Variants in SPIDR observed in about 807,000 individuals in gnomAD.
SPIDR encodes DNA repair-scaffolding protein.
A neutral mutation model predicts 104.6 loss-of-function variants in SPIDR; 93 were observed. That is an observed-to-expected ratio of 0.89 (90% CI 0.75 to 1.06). The LOEUF is 1.06. SPIDR is among the 50% of genes least tolerant of loss of function. The probability of loss-of-function intolerance (pLI) is 0.00; values close to 1 mark genes in which losing one functional copy is unlikely to be tolerated. For missense variants in SPIDR, 1,154 were observed against 1,111.2 expected, an observed-to-expected ratio of 1.04 and a Z score of -0.55; for synonymous variants, 431 against 416.9, an observed-to-expected ratio of 1.03 and a Z score of -0.41.
At chr8:47,690,805 C>T (rs192026042) in intron 11 of SPIDR, among the ~76,000 whole-genome samples, 4 of 152,082 alleles carry the variant, frequency 2.6e-5, no homozygotes, top group Admixed American at 6.6e-5. Context: ...GGTGACAAGG[C>T]GAGATTCCAT....
At chr8:47,728,242 A>G (rs2084615207) in intron 17 of SPIDR, among the ~76,000 whole-genome samples, 1 of 151,732 alleles carries the variant, frequency 6.6e-6, no homozygotes, top group African/African-American at 2.4e-5. Context: ...CCTGGCCAAC[A>G]CGGTGAAACC....
intron 1 of SPIDR, among the ~76,000 whole-genome samples, chr8:47,268,355 A>G (rs2034529393): frequency 6.6e-6 from 1 of 152,148 alleles, no homozygotes; most frequent in African/African-American, 2.4e-5. Context: ...CAGCTTGTCA[A>G]TTTCTGCAGA....
intron 5 of SPIDR, among the ~76,000 whole-genome samples, chr8:47,305,757 A>G (rs1461384037): frequency 2.0e-5 from 3 of 152,212 alleles, no homozygotes; most frequent in Non-Finnish European, 4.4e-5. Context: ...ACTAATTGTT[A>G]ATGCCTAAGA....
At chr8:47,540,702 T>C (rs757838554) in intron 8 of SPIDR, among the ~76,000 whole-genome samples, 3 of 152,320 alleles carry the variant, frequency 2.0e-5, no homozygotes, top group Non-Finnish European at 4.4e-5. Context: ...TCTTCTTGTC[T>C]TTCCCCCCAT....
chr8:47,396,722 A>G, intron 6 of SPIDR, 96 bp downstream of exon 6: 1 of 1,278,516 alleles, frequency 7.8e-7, no homozygotes, highest in Non-Finnish European at 1.1e-6. Context: ...CTTGTATATG[A>G]AGTCCTAAAT....
intron 10 of SPIDR, among the ~76,000 whole-genome samples, chr8:47,670,627 C>T (rs758769789): frequency 1.8e-4 from 28 of 152,004 alleles, no homozygotes; most frequent in Non-Finnish European, 4.0e-4. Flanking sequence ...TGGTGATTAT[C>T]CTTGAAATTG....
intron 8 of SPIDR, among the ~76,000 whole-genome samples, chr8:47,487,419 C>G (rs1472891325): frequency 6.6e-6 from 1 of 152,114 alleles, no homozygotes; most frequent in Non-Finnish European, 1.5e-5. Context: ...GACTTTAACA[C>G]CCCACTGTCA....
At chr8:47,690,171 A>G (rs2078433910) in intron 11 of SPIDR, among the ~76,000 whole-genome samples, 2 of 152,124 alleles carry the variant, frequency 1.3e-5, no homozygotes, top group African/African-American at 4.8e-5. Context: ...GGCTTTTGGA[A>G]TAATAAGTAC....
At chr8:47,474,066 C>T (rs782092735) in intron 8 of SPIDR, among the ~76,000 whole-genome samples, 22 of 152,238 alleles carry the variant, frequency 1.4e-4, no homozygotes, top group South Asian at 8.3e-4. Context: ...GTTGTTCTCA[C>T]GTAGGCGAGT....
At chr8:47,302,786 G>C (rs1490158645) in intron 5 of SPIDR, among the ~76,000 whole-genome samples, 3 of 152,160 alleles carry the variant, frequency 2.0e-5, no homozygotes, top group Non-Finnish European at 4.4e-5. Context: ...AAATGTTGCT[G>C]CCTGATCATT....
At chr8:47,300,349 T>A (rs2041828425) in intron 5 of SPIDR, among the ~76,000 whole-genome samples, 1 of 152,230 alleles carries the variant, frequency 6.6e-6, no homozygotes. Context: ...TCTTTTCTTC[T>A]TTATTAGTCT....
At chr8:47,485,220 G>T (rs1586505586) in intron 8 of SPIDR, among the ~76,000 whole-genome samples, 1 of 152,214 alleles carries the variant, frequency 6.6e-6, no homozygotes, top group East Asian at 1.9e-4. Flanking sequence ...AGGCTCGGAG[G>T]GTCCCACGCG....
chr8:47,352,280 A>AG (rs1330669427), intron 5 of SPIDR, among the ~76,000 whole-genome samples: 1 of 148,406 alleles, frequency 6.7e-6, no homozygotes, highest in Non-Finnish European at 1.5e-5. Context: ...CATCTCAACA[A>AG]AAAAAAAAAA....
intron 8 of SPIDR, chr8:47,547,213 C>A: frequency 1.5e-6 from 1 of 656,832 alleles, no homozygotes; most frequent in East Asian, 3.7e-5. Flanking sequence ...GAAGATTTTT[C>A]TCACTTTGCA....
intron 8 of SPIDR, among the ~76,000 whole-genome samples, chr8:47,590,327 A>G (rs983021017): frequency 2.0e-5 from 3 of 152,104 alleles, no homozygotes; most frequent in Non-Finnish European, 4.4e-5. Context: ...TCCTCTCAGT[A>G]TCACTTCAGC....
At position 47,481,449 on chromosome 8, in the gene SPIDR, C is replaced by G. The variant is rs778662132; in HGVS notation, c.1097+40907C>G. Among the ~76,000 whole-genome samples the G allele has an allele frequency of 5.9e-5, 9 of 152,000 alleles. 1 individual carries two copies. The highest frequency in any genetic ancestry group is 1.3e-4 in the Non-Finnish European group (9 of 68,014). On this transcript the variant is annotated intron_variant, in intron 8 of 19. Transcript: ENST00000297423. Reference sequence around the variant, plus strand: ...GCCAGGAGTTCGAGACCAGCCTGGCCAACATGGAGAAACTCCGTCTCTACT... The same window carrying G: ...GCCAGGAGTTCGAGACCAGCCTGGCGAACATGGAGAAACTCCGTCTCTACT...
chr8:47,419,714 G>T (rs1282527918), intron 7 of SPIDR, among the ~76,000 whole-genome samples: 2 of 152,042 alleles, frequency 1.3e-5, no homozygotes, highest in African/African-American at 4.8e-5. Flanking sequence ...TGATGTTAGG[G>T]TGTTAATTTT....
At chr8:47,416,474 A>G (rs1448917983) in intron 7 of SPIDR, among the ~76,000 whole-genome samples, 2 of 152,120 alleles carry the variant, frequency 1.3e-5, no homozygotes, top group Non-Finnish European at 2.9e-5. Flanking sequence ...TAAAAATAAA[A>G]GGTGCTGTGA....
Position 47,552,190 on chromosome 8 carries a change from A to G in SPIDR, c.1098-43621A>G, listed in dbSNP as rs923262965. Among the ~76,000 whole-genome samples the G allele has an allele frequency of 4.6e-5, 7 of 152,212 alleles. No individual in the cohort carries two copies. The East Asian group carries it at 5.8e-4, about 13-fold the overall frequency. ...TTTGCTGAGGAGTGCTTTACTTCCA[A>G]CTATGTGGTCAATTTTGGAATAAGT... is the stretch of plus-strand genomic sequence containing the variant. On this transcript the variant is annotated intron_variant, in intron 8 of 19. Coordinates refer to ENST00000297423, the MANE Select transcript of SPIDR (RefSeq NM_001080394.4).
Sources: allele counts gnomAD v4.1 joint callset (sites outside exome capture counted in the v4.1 genomes callset), GRCh38; gene constraint gnomAD v4.1.1; transcripts MANE v1.5; gene names NCBI Gene and HGNC (gene_info 2026-07-23, HGNC 2026-07-21).